Variants in NIPAL2 observed in about 807,000 individuals in gnomAD.
The protein encoded by NIPAL2 is NIPA like domain containing 2, also known as NIPA-like protein 2.
Under a neutral mutation model 48.9 loss-of-function variants are expected in NIPAL2, and 43 were observed. The ratio of observed to expected loss-of-function variants is 0.88; its 90% CI spans 0.69 to 1.13. The LOEUF (loss-of-function observed/expected upper bound fraction) is 1.13. Among genes scored for constraint, NIPAL2 ranks in the 50% most tolerant of loss-of-function variants. The pLI is 0.00. For missense variants in NIPAL2, 446 were observed against 461.4 expected (o/e 0.97, Z 0.31); for synonymous variants, 167 against 174.6 (o/e 0.96, Z 0.34).
intron 1 of NIPAL2, among the ~76,000 whole-genome samples, chr8:98,281,768 G>C (rs1456272774): frequency 6.6e-6 from 1 of 152,200 alleles, no homozygotes; most frequent in African/African-American, 2.4e-5. Context: ...AGAAGACAGA[G>C]TACAAATCTG....
intron 1 of NIPAL2, among the ~76,000 whole-genome samples, chr8:98,256,989 A>C (rs989447789): frequency 3.3e-5 from 5 of 152,214 alleles, no homozygotes; most frequent in African/African-American, 1.2e-4. Context: ...AGGAAATTTC[A>C]ATATACACTA....
Position 98,252,344 on chromosome 8 carries a change from G to A in NIPAL2, c.376+119C>T, listed in dbSNP as rs895865389. On this transcript the variant is annotated intron_variant, in intron 3 of 10. Transcript: ENST00000430223. ...AGCAGAATAATTGTTCCATGTTAAC[G>A]TGATAAGAAACCAGGCAATAGACTT... 5.8e-5 allele frequency: 53 copies of A among 920,584 alleles called. No individual in the cohort carries two copies. In the African/African-American group the frequency reaches 7.1e-4, roughly 12 times the overall value. 57.0% of individuals were successfully genotyped at this position (920,584 alleles called of 1,614,324 possible).
intron 1 of NIPAL2, among the ~76,000 whole-genome samples, chr8:98,285,173 A>G (rs1486224024): frequency 6.6e-6 from 1 of 152,204 alleles, no homozygotes; most frequent in Non-Finnish European, 1.5e-5. Flanking sequence ...GAGCCAGGAC[A>G]CAGAAATGAA....
intron 4 of NIPAL2, 144 bp downstream of exon 4, chr8:98,236,011 C>T (rs1349986601): frequency 1.8e-6 from 1 of 559,758 alleles, no homozygotes; most frequent in Non-Finnish European, 3.2e-6. Context: ...AGCTCCAAGA[C>T]AGAATAATGC....
At chr8:98,198,140 G>A (rs932979778) in intron 8 of NIPAL2, among the ~76,000 whole-genome samples, 11 of 151,496 alleles carry the variant, frequency 7.3e-5, no homozygotes, top group African/African-American at 2.7e-4. Flanking sequence ...GTGTTAGCAG[G>A]CATGAAAACA....
In NIPAL2 at chr8:98,236,208, G is replaced by A. The variant is rs757701614; in HGVS notation, c.383C>T (p.Ala128Val). 2 of 1,600,852 alleles carry A rather than the reference G, an allele frequency of 1.2e-6. No individual in the cohort carries two copies. The highest frequency in any genetic ancestry group is 1.7e-6 in the Non-Finnish European group (2 of 1,172,038). The part of the protein sequence containing the change: ...PLGCVSVTGS[A>V]IISVTFLKDN... ...TTTCAGAAATGTAACAGAAATAATGGCACTACCTATAAAGAAAATGGCCAT... is the reference window on the plus strand; with the variant it reads ...TTTCAGAAATGTAACAGAAATAATGACACTACCTATAAAGAAAATGGCCAT... Residue 128 changes from alanine to valine, a missense_variant, in exon 4 of 11, where the codon GCC becomes GTC. Coordinates refer to ENST00000430223, the MANE Select transcript of NIPAL2 (RefSeq NM_001321635.2).
intron 8 of NIPAL2, among the ~76,000 whole-genome samples, chr8:98,198,648 CT>C (rs199613046): frequency 1.3e-5 from 2 of 152,362 alleles, no homozygotes; most frequent in East Asian, 3.9e-4. Flanking sequence ...GCACTTGCTG[CT>C]TCATCTTGTA....
intron 4 of NIPAL2, chr8:98,231,740 A>C (rs1401162773): frequency 6.6e-6 from 1 of 152,222 alleles, no homozygotes. Context: ...TTTTGAGACT[A>C]GTGATGAAAA....
At position 98,222,458 on chromosome 8, in the gene NIPAL2, TA is replaced by T; in HGVS notation, c.558+20del. 2.5e-6 allele frequency: 4 copies of T among 1,610,552 alleles called. No homozygotes were observed. The highest frequency in any genetic ancestry group is 3.4e-6 in the Non-Finnish European group (4 of 1,178,850). On this transcript the variant is annotated intron_variant, in intron 5 of 10. Transcript: ENST00000430223. ...CTGGATAATATAGCTTCGGGGATAGTAAAATATTTAGAATTCTTACCACATA... is the reference window on the plus strand; with the variant it reads ...CTGGATAATATAGCTTCGGGGATAGTAAATATTTAGAATTCTTACCACATA...
At chr8:98,243,517 C>A (rs995799899) in intron 3 of NIPAL2, among the ~76,000 whole-genome samples, 1 of 152,136 alleles carries the variant, frequency 6.6e-6, no homozygotes, top group Non-Finnish European at 1.5e-5. Flanking sequence ...CTTCATTCAC[C>A]TACTCTCTGA....
At chr8:98,258,474 T>C (rs772656599) in intron 1 of NIPAL2, among the ~76,000 whole-genome samples, 1 of 152,158 alleles carries the variant, frequency 6.6e-6, no homozygotes, top group Non-Finnish European at 1.5e-5. Flanking sequence ...TGCTGCAGAA[T>C]AGATCCCTGG....
At chr8:98,279,177 C>G (rs1447009403) in intron 1 of NIPAL2, among the ~76,000 whole-genome samples, 1 of 151,970 alleles carries the variant, frequency 6.6e-6, no homozygotes, top group African/African-American at 2.4e-5. Flanking sequence ...TCATTAACTC[C>G]CCTAATTACT....
chr8:98,204,860 A>G (rs1810955144), intron 7 of NIPAL2, among the ~76,000 whole-genome samples: 1 of 152,024 alleles, frequency 6.6e-6, no homozygotes, highest in Non-Finnish European at 1.5e-5. Flanking sequence ...TCAGGAAAGT[A>G]TCAAAGTGCA....
Position 98,203,846 on chromosome 8 carries a change from C to CTGTGTGTGTGTGTGTGTGTG in NIPAL2, c.792-670_792-651dup, listed in dbSNP as rs143170810. Among the ~76,000 whole-genome samples the CTGTGTGTGTGTGTGTGTGTG allele has an allele frequency of 4.6e-3, 668 of 146,804 alleles. 6 individuals are homozygous for CTGTGTGTGTGTGTGTGTGTG. The highest frequency in any genetic ancestry group is 0.016 in the African/African-American group (648 of 39,746). ...GAAAAAAGTACTTTGTGGGTAGAGC[C>CTGTGTGTGTGTGTGTGTGTG]TGTGTGTGTGTGTGTGTGTGTGTGT... On this transcript the variant is annotated intron_variant, in intron 7 of 10. Coordinates refer to ENST00000430223, the MANE Select transcript of NIPAL2 (RefSeq NM_001321635.2).
intron 4 of NIPAL2, 76 bp downstream of exon 4, chr8:98,236,079 C>T (rs2130790044): frequency 2.9e-6 from 3 of 1,049,656 alleles, no homozygotes; most frequent in Non-Finnish European, 4.3e-6. Context: ...TTTTATCGCA[C>T]ATATTTTTTA....
At chr8:98,271,345 AT>A (rs771500287) in intron 1 of NIPAL2, among the ~76,000 whole-genome samples, 1 of 152,260 alleles carries the variant, frequency 6.6e-6, no homozygotes, top group East Asian at 1.9e-4. Context: ...ATATTTTTCC[AT>A]TTATTTGGGT....
chr8:98,248,479 A>C (rs1165937083), intron 3 of NIPAL2, among the ~76,000 whole-genome samples: 1 of 152,260 alleles, frequency 6.6e-6, no homozygotes, highest in Admixed American at 6.5e-5. Flanking sequence ...GTTCTTCTGC[A>C]CAATGACCTC....
chr8:98,199,302 G>A (rs1008768223), intron 8 of NIPAL2, among the ~76,000 whole-genome samples: 10 of 152,132 alleles, frequency 6.6e-5, no homozygotes, highest in African/African-American at 2.4e-4. Context: ...AATGTTTGGT[G>A]CAGAAGGTCT....
intron 6 of NIPAL2, among the ~76,000 whole-genome samples, chr8:98,211,041 A>T (rs146635285): frequency 6.6e-6 from 1 of 152,304 alleles, no homozygotes; most frequent in East Asian, 1.9e-4. Context: ...TGAGAGGAGC[A>T]GATATTAGGG....
Sources: allele counts gnomAD v4.1 joint callset (sites outside exome capture counted in the v4.1 genomes callset), GRCh38; gene constraint gnomAD v4.1.1; transcripts MANE v1.5; gene names NCBI Gene and HGNC (gene_info 2026-07-23, HGNC 2026-07-21).